Variants in SDK1 observed in about 807,000 individuals in gnomAD.
The protein encoded by SDK1 is sidekick cell adhesion molecule 1, also known as protein sidekick-1.
Under a neutral mutation model 245.5 loss-of-function variants are expected in SDK1, and 157 were observed. The ratio of observed to expected loss-of-function variants is 0.64; its 90% CI spans 0.56 to 0.73. The LOEUF is 0.73. Ranked by LOEUF, SDK1 falls within the 30% of genes least tolerant of loss-of-function variation. The probability of loss-of-function intolerance (pLI) is 0.00; values close to 1 mark genes in which losing one functional copy is unlikely to be tolerated. For synonymous variants in SDK1, 1,647 were observed against 1,278.5 expected (o/e 1.29, Z -6.15); for missense variants, 3,583 against 3,002.3 (o/e 1.19, Z -4.52).
chr7:4,046,428 A>G (rs1220797053), intron 17 of SDK1, among the ~76,000 whole-genome samples: 1 of 152,176 alleles, frequency 6.6e-6, no homozygotes, highest in Non-Finnish European at 1.5e-5. Context: ...AGAAGTATTA[A>G]TAATTATAGG....
At chr7:3,509,145 A>G (rs911593357) in intron 1 of SDK1, among the ~76,000 whole-genome samples, 2 of 151,944 alleles carry the variant, frequency 1.3e-5, no homozygotes, top group African/African-American at 2.4e-5. Flanking sequence ...ACATCCATCC[A>G]TCTTAAGGTG....
intron 5 of SDK1, among the ~76,000 whole-genome samples, chr7:3,916,810 G>A (rs1236346168): frequency 6.6e-6 from 1 of 152,188 alleles, no homozygotes; most frequent in Non-Finnish European, 1.5e-5. Flanking sequence ...AGGGAAAATT[G>A]TAGATTATTA....
intron 28 of SDK1, among the ~76,000 whole-genome samples, chr7:4,139,567 G>GTGTATATGTGTGTGTATATGTA: frequency 8.1e-5 from 1 of 12,300 alleles, no homozygotes; most frequent in South Asian, 4.1e-3. Flanking sequence ...ATATATGTGT[G>GTGTATATGTGTGTGTATATGTA]TATATGTGTG....
intron 4 of SDK1, among the ~76,000 whole-genome samples, chr7:3,650,508 G>A (rs1023280201): frequency 6.6e-6 from 1 of 151,810 alleles, no homozygotes; most frequent in Non-Finnish European, 1.5e-5. Context: ...ATAATTGTAG[G>A]TTCACATACA....
intron 4 of SDK1, among the ~76,000 whole-genome samples, chr7:3,689,918 C>T (rs1249396740): frequency 5.9e-5 from 9 of 152,172 alleles, no homozygotes; most frequent in Admixed American, 5.9e-4. Flanking sequence ...GTGTCTATTG[C>T]AAACAAAAAT....
At chr7:3,797,578 A>T (rs961518866) in intron 4 of SDK1, among the ~76,000 whole-genome samples, 3 of 152,126 alleles carry the variant, frequency 2.0e-5, no homozygotes, top group Non-Finnish European at 2.9e-5. Context: ...CCTAAAAAAA[A>T]TCATGGAACC....
chr7:3,514,584 G>C (rs1782680749), intron 1 of SDK1, among the ~76,000 whole-genome samples: 1 of 152,156 alleles, frequency 6.6e-6, no homozygotes, highest in African/African-American at 2.4e-5. Flanking sequence ...TCCTAGGTCA[G>C]TGCTCTAGTC....
In SDK1 at chr7:3,952,041, G is replaced by A. The variant is rs369175370; in HGVS notation, c.1150+121G>A. ...TATTTGTAACTCGGCAAATGAAGGT[G>A]AGGTTGAGTTTACCTTCGAAATCCT... is the stretch of plus-strand genomic sequence containing the variant. On this transcript the variant is annotated intron_variant, in intron 7 of 44. Coordinates refer to ENST00000404826, the MANE Select transcript of SDK1 (RefSeq NM_152744.4). 1.2e-4 allele frequency: 108 copies of A among 905,288 alleles called. No individual in the cohort carries two copies. In the East Asian group the frequency reaches 1.5e-3, roughly 13 times the overall value. 56.1% of individuals were successfully genotyped at this position (905,288 alleles called of 1,614,324 possible). A position where few individuals can be genotyped will look rare whatever the true frequency, so the allele number is the denominator to read the frequency against.
chr7:4,011,919 T>A (rs1258953851), intron 15 of SDK1, among the ~76,000 whole-genome samples, 176 bp from the exon 16 acceptor site: 1 of 152,196 alleles, frequency 6.6e-6, no homozygotes, highest in Non-Finnish European at 1.5e-5. Flanking sequence ...TATGTTGATT[T>A]GTGGTAACTG....
In SDK1 at chr7:3,410,625, C is replaced by T. The variant is rs180750844; in HGVS notation, c.298+108741C>T. ...TTTTGGAGAAGGAGTCTTGCTCTGT[C>T]GCCTAGGCTGGAGTGCAGTGGCACG... On this transcript the variant is annotated intron_variant, in intron 1 of 44. Coordinates refer to ENST00000404826, the MANE Select transcript of SDK1 (RefSeq NM_152744.4). Among the ~76,000 whole-genome samples the T allele has an allele frequency of 1.8e-3, 219 of 124,404 alleles. 2 individuals carry two copies. The highest frequency in any genetic ancestry group is 7.7e-3 in the Admixed American group (74 of 9,626). The allele number at this position is 124,404 out of a possible 152,430, so 81.6% of individuals were successfully genotyped here. A position where few individuals can be genotyped will look rare whatever the true frequency, so the allele number is the denominator to read the frequency against.
Position 4,114,052 on chromosome 7 carries a change from C to T in SDK1, c.3601C>T (p.Gln1201Ter), listed in dbSNP as rs749121233. 8.1e-6 allele frequency: 13 copies of T among 1,614,124 alleles called. No individual in the cohort carries two copies. The Admixed American group carries it at 1.7e-4, about 21-fold the overall frequency. The change falls in exon 25 of 45, where the codon CAG becomes TAG. Residue 1201 changes from glutamine to a stop codon, truncating the protein, a stop_gained. Coordinates refer to ENST00000404826, the MANE Select transcript of SDK1 (RefSeq NM_152744.4). LOFTEE classifies it high-confidence loss of function. Reference sequence around the variant, plus strand: ...TCCTTCCTAGCCCCTGCCGGATTCTCAGTACAACGGGAACCCCGAGTCCGT... The same window carrying T: ...TCCTTCCTAGCCCCTGCCGGATTCTTAGTACAACGGGAACCCCGAGTCCGT... ...RLRWVPLPDS[Q>*]YNGNPESVGY...
chr7:3,772,771 C>G (rs1046381842), intron 4 of SDK1, among the ~76,000 whole-genome samples: 1 of 152,190 alleles, frequency 6.6e-6, no homozygotes. Flanking sequence ...AGGTAACAAA[C>G]TCCCTCAACT....
intron 2 of SDK1, among the ~76,000 whole-genome samples, chr7:3,629,606 C>A (rs1382823688): frequency 1.3e-5 from 2 of 152,136 alleles, no homozygotes; most frequent in Non-Finnish European, 2.9e-5. Context: ...AGCCCTAGAC[C>A]AAATACTGCT....
At chr7:3,640,583 T>A (rs986296905) in intron 3 of SDK1, among the ~76,000 whole-genome samples, 1 of 152,084 alleles carries the variant, frequency 6.6e-6, no homozygotes, top group African/African-American at 2.4e-5. Context: ...ATACCTAAAT[T>A]ATATTTTAAG....
chr7:3,597,204 G>A (rs976518302), intron 1 of SDK1, among the ~76,000 whole-genome samples: 9 of 150,904 alleles, frequency 6.0e-5, no homozygotes, highest in Admixed American at 1.3e-4. Flanking sequence ...CCCGGGAGGC[G>A]GAGCTTGCAG....
At chr7:3,445,885 T>A (rs1170434501) in intron 1 of SDK1, among the ~76,000 whole-genome samples, 1 of 152,160 alleles carries the variant, frequency 6.6e-6, no homozygotes, top group East Asian at 1.9e-4. Flanking sequence ...TCTAATATTC[T>A]CTTATCACTT....
chr7:3,846,975 C>T (rs182968539), intron 5 of SDK1, among the ~76,000 whole-genome samples: 119 of 152,248 alleles, frequency 7.8e-4, no homozygotes, highest in African/African-American at 1.5e-3. Context: ...GGCCCTACTG[C>T]GCGGCTGGCT....
At chr7:4,016,932 A>G (rs1036845378) in intron 16 of SDK1, among the ~76,000 whole-genome samples, 1 of 152,202 alleles carries the variant, frequency 6.6e-6, no homozygotes, top group Non-Finnish European at 1.5e-5. Flanking sequence ...ATTTTTTCTT[A>G]ACCGTTATGT....
At chr7:3,911,803 G>C (rs1420417897) in intron 5 of SDK1, among the ~76,000 whole-genome samples, 1 of 152,162 alleles carries the variant, frequency 6.6e-6, no homozygotes, top group African/African-American at 2.4e-5. Flanking sequence ...GCCCTGCCCT[G>C]GAGGAGCTTA....
Sources: gnomAD v4.1 joint callset for allele counts (sites outside exome capture counted in the v4.1 genomes callset) on GRCh38, gnomAD v4.1.1 for gene constraint, MANE v1.5 for transcripts, NCBI Gene and HGNC (gene_info 2026-07-23, HGNC 2026-07-21) for gene names.